Variants in HAUS2 observed in about 807,000 individuals in gnomAD.
HAUS2 encodes the protein HAUS augmin like complex subunit 2.
In HAUS2, 20 loss-of-function variants were observed where a neutral mutation model predicts 21.6. The observed-to-expected ratio is 0.93, with a 90% CI of 0.65 to 1.35. HAUS2 has a LOEUF of 1.35. Among genes scored for constraint, HAUS2 ranks in the 40% most tolerant of loss-of-function variants. The probability of loss-of-function intolerance (pLI) is 0.00; values close to 1 mark genes in which losing one functional copy is unlikely to be tolerated. For synonymous variants in HAUS2, 113 were observed against 95.6 expected (o/e 1.18, Z -1.06); for missense variants, 297 against 280.7 (o/e 1.06, Z -0.42).
chr15:42,564,058 G>A (rs2057880687), intron 5 of HAUS2, among the ~76,000 whole-genome samples: 1 of 151,990 alleles, frequency 6.6e-6, no homozygotes, highest in South Asian at 2.1e-4. Flanking sequence ...TTGAGGTCAG[G>A]AGTTGGAGAC....
intron 1 of HAUS2, among the ~76,000 whole-genome samples, chr15:42,553,836 T>G (rs1322999462): frequency 6.6e-6 from 1 of 150,586 alleles, no homozygotes; most frequent in African/African-American, 2.5e-5. Flanking sequence ...TATTTTACTT[T>G]CATTTACCTC....
At position 42,569,570 on chromosome 15, in the gene HAUS2, G is replaced by C. The variant is rs1324524460; in HGVS notation, c.*2754G>C. ...GACCCTCCCGCCTCAGCCTCCGAAA[G>C]TGCTGGGAGTACAGGTGTTAGCCAC... is the stretch of plus-strand genomic sequence containing the variant. On this transcript the variant is annotated 3_prime_UTR_variant, in exon 6 of 6. Coordinates refer to ENST00000260372, the MANE Select transcript of HAUS2 (RefSeq NM_018097.3). 6.6e-6 allele frequency: 1 copy of C among 152,180 alleles called. No individual in the cohort carries two copies. The highest frequency in any genetic ancestry group is 1.5e-5 in the Non-Finnish European group (1 of 68,080). 9.4% of individuals were successfully genotyped at this position (152,180 alleles called of 1,614,324 possible).
intron 1 of HAUS2, among the ~76,000 whole-genome samples, chr15:42,549,249 T>C (rs2057692823): frequency 6.6e-6 from 1 of 152,054 alleles, no homozygotes; most frequent in Non-Finnish European, 1.5e-5. Context: ...CCAGCCTTTT[T>C]TTCATCCAGT....
chr15:42,562,013 CAAAA>C (rs958151504), intron 4 of HAUS2, among the ~76,000 whole-genome samples: 1 of 141,166 alleles, frequency 7.1e-6, no homozygotes, highest in Non-Finnish European at 1.6e-5. Flanking sequence ...CCTGTTTCTA[CAAAA>C]AAAAAAAATA....
At chr15:42,554,315 T>C (rs2057751511) in intron 1 of HAUS2, among the ~76,000 whole-genome samples, 1 of 151,998 alleles carries the variant, frequency 6.6e-6, no homozygotes, top group African/African-American at 2.4e-5. Flanking sequence ...AAAATACATA[T>C]AACATAAAAT....
At chr15:42,557,040 G>GTT (rs1331139989) in intron 1 of HAUS2, among the ~76,000 whole-genome samples, 5 of 149,950 alleles carry the variant, frequency 3.3e-5, no homozygotes, top group African/African-American at 1.2e-4. Flanking sequence ...GCGAAACTCA[G>GTT]TCGGTGGCTC....
chr15:42,564,667 T>G (rs1172828335), intron 5 of HAUS2, among the ~76,000 whole-genome samples: 1 of 152,178 alleles, frequency 6.6e-6, no homozygotes, highest in Non-Finnish European at 1.5e-5. Flanking sequence ...TTTTGTTTTT[T>G]AAATAGAGAC....
chr15:42,565,387 ATGTGTGTGTGTGTGTGTGTGTGTG>A (rs139933934), intron 5 of HAUS2, among the ~76,000 whole-genome samples: 3 of 136,396 alleles, frequency 2.2e-5, no homozygotes, highest in African/African-American at 2.6e-5. Context: ...GAGCCATTGA[ATGTGTGTGTGTGTGTGTGTGTGTG>A]TGTGTGTGTG....
At chr15:42,558,569 T>C (rs879925010) in intron 2 of HAUS2, among the ~76,000 whole-genome samples, 6 of 152,008 alleles carry the variant, frequency 3.9e-5, no homozygotes, top group Admixed American at 6.6e-5. Context: ...CCCCATGATC[T>C]GCCCGCCTCG....
intron 1 of HAUS2, among the ~76,000 whole-genome samples, chr15:42,554,020 A>G (rs1429283562): frequency 6.6e-6 from 1 of 152,238 alleles, no homozygotes; most frequent in Non-Finnish European, 1.5e-5. Flanking sequence ...AGTGAATGGC[A>G]TAACTCTGTC....
intron 1 of HAUS2, among the ~76,000 whole-genome samples, chr15:42,553,122 G>A (rs964616888): frequency 1.3e-5 from 2 of 151,896 alleles, no homozygotes; most frequent in South Asian, 2.1e-4. Flanking sequence ...AAGTAGCTGA[G>A]ATTACAGGCA....
At chr15:42,554,554 G>A (rs562918272) in intron 1 of HAUS2, among the ~76,000 whole-genome samples, 6 of 149,646 alleles carry the variant, frequency 4.0e-5, no homozygotes, top group South Asian at 2.2e-4. Context: ...GCAGTAGTGC[G>A]CTCACAGCTT....
intron 1 of HAUS2, among the ~76,000 whole-genome samples, chr15:42,553,967 C>T (rs78577957): frequency 0.019 from 2,924 of 152,276 alleles, 79 homozygotes; most frequent in African/African-American, 0.066. Flanking sequence ...CTTTCCTGTT[C>T]CTCAATTTTG....
intron 1 of HAUS2, among the ~76,000 whole-genome samples, chr15:42,549,267 C>G (rs1316522176): frequency 6.6e-6 from 1 of 151,898 alleles, no homozygotes; most frequent in African/African-American, 2.4e-5. Flanking sequence ...AGTGATACTG[C>G]CTCTAGACTG....
At chr15:42,560,791 CTTGCTATG>C in intron 3 of HAUS2, 1 of 701,888 alleles carries the variant, frequency 1.4e-6, no homozygotes, top group Non-Finnish European at 2.6e-6. Flanking sequence ...GAGATGAAGT[CTTGCTATG>C]TTGCCCAGGC....
chr15:42,566,639 G>A lies in HAUS2; in HGVS notation c.531G>A (p.Val177=), dbSNP rs2057909785. The change falls in exon 6 of 6, where the codon GTG becomes GTA. Residue 177 remains valine (V), a synonymous_variant. Transcript: ENST00000260372. The part of the protein sequence containing the change: ...NQALAKMDIL[V]TETEELAENI... Reference sequence around the variant, plus strand: ...CTTTAGCAAAGATGGATATATTGGTGACTGAGACAGAAGAACTGGCAGAGA... The same window carrying A: ...CTTTAGCAAAGATGGATATATTGGTAACTGAGACAGAAGAACTGGCAGAGA... 1.9e-6 allele frequency: 3 copies of A among 1,608,098 alleles called. No homozygotes were observed. Among genetic ancestry groups the A allele is most frequent in the Non-Finnish European group, 2.6e-6 (3 of 1,174,768 alleles).
chr15:42,562,648 C>T (rs2057863567), intron 4 of HAUS2, among the ~76,000 whole-genome samples: 2 of 152,180 alleles, frequency 1.3e-5, no homozygotes, highest in African/African-American at 4.8e-5. Context: ...CTGTTTAGTA[C>T]ATTATCATTA....
In HAUS2 at chr15:42,560,680, G is replaced by C. The variant is rs891180867; in HGVS notation, c.257-590G>C. On this transcript the variant is annotated intron_variant, in intron 3 of 5. Transcript: ENST00000260372. ...AACCCAGGCTGAAGTACAGGTCGCTGTAACTTCAACACGTGGTTTCAACTG... is the reference window on the plus strand; with the variant it reads ...AACCCAGGCTGAAGTACAGGTCGCTCTAACTTCAACACGTGGTTTCAACTG... 5 of 610,402 alleles carry C rather than the reference G, an allele frequency of 8.2e-6. No homozygotes were observed. In the African/African-American group the frequency reaches 9.4e-5, roughly 11 times the overall value. The allele number at this position is 610,402 out of a possible 1,614,324, so 37.8% of individuals were successfully genotyped here. A position where few individuals can be genotyped will look rare whatever the true frequency, so the allele number is the denominator to read the frequency against.
intron 1 of HAUS2, among the ~76,000 whole-genome samples, 163 bp from the exon 2 acceptor site, chr15:42,558,035 A>C (rs1225693053): frequency 6.6e-6 from 1 of 152,084 alleles, no homozygotes; most frequent in African/African-American, 2.4e-5. Flanking sequence ...TGAAGGTTCT[A>C]AAACAGGAAT....
Sources: gnomAD v4.1 joint callset for allele counts (sites outside exome capture counted in the v4.1 genomes callset) on GRCh38, gnomAD v4.1.1 for gene constraint, MANE v1.5 for transcripts, NCBI Gene and HGNC (gene_info 2026-07-23, HGNC 2026-07-21) for gene names.